The following SRP19 variants were observed in gnomAD, a reference collection of about 807,000 sequenced individuals.
The protein encoded by SRP19 is signal recognition particle 19.
Under a neutral mutation model 22.4 loss-of-function variants are expected in SRP19, and 11 were observed. That is an observed-to-expected ratio of 0.49 (90% CI 0.31 to 0.81). SRP19 has a LOEUF of 0.81. Among genes scored for constraint, SRP19 ranks in the 40% least tolerant of loss-of-function variants. SRP19 has a pLI of 0.05. For missense variants in SRP19, 168 were observed against 175.9 expected (o/e 0.96, Z 0.25); for synonymous variants, 61 against 57.6 (o/e 1.06, Z -0.27).
At chr5:112,893,116 AAG>A (rs1178100175), downstream of SRP19, 5 of 809,830 alleles carry the variant, frequency 6.2e-6, no homozygotes, top group Non-Finnish European at 9.1e-6. Flanking sequence ...AAAAAAAAAA[AAG>A]AATGGACCAG....
intron 4 of SRP19, chr5:112,878,954 A>T: frequency 6.7e-7 from 1 of 1,486,000 alleles, no homozygotes; most frequent in Admixed American, 1.8e-5. Context: ...ACTCATGTTC[A>T]GGTGCGATCA....
chr5:112,879,314 A>C (rs1212644600), intron 4 of SRP19, among the ~76,000 whole-genome samples: 1 of 40,308 alleles, frequency 2.5e-5, no homozygotes, highest in Non-Finnish European at 3.8e-5. Flanking sequence ...TCATCCCTTG[A>C]TATATGTGTT....
chr5:112,885,223 C>A, intron 4 of SRP19: 1 of 165,140 alleles, frequency 6.1e-6, no homozygotes, highest in South Asian at 1.3e-4. Context: ...GTGGGGAGCC[C>A]CAAGGAGAAG....
chr5:112,895,237 C>CAAAAAAAAAAAAAAAAAAAAAAAA (rs10684553), downstream of SRP19: 2 of 62,216 alleles, frequency 3.2e-5, no homozygotes, highest in African/African-American at 1.4e-4. Context: ...GACTCTGTCT[C>CAAAAAAAAAAAAAAAAAAAAAAAA]AAAAAAAAAA....
At position 112,867,475 on chromosome 5, in the gene SRP19, G is replaced by T; in HGVS notation, c.373G>T (p.Ala125Ser). The T allele has an allele frequency of 6.2e-7, 1 of 1,613,902 alleles. No homozygotes were observed. Among genetic ancestry groups the T allele is most frequent in the Non-Finnish European group, 8.5e-7 (1 of 1,179,964 alleles). ...AACAAGGACACAAAAAACAGGAGGT[G>T]CTGACCAAAGTCTTCAACAAGGAGA... is the stretch of plus-strand genomic sequence containing the variant. ...LKTRTQKTGG[A>S]DQSLQQGEGS... Residue 125 changes from alanine to serine, a missense_variant, in exon 5 of 5, where the codon GCT (alanine) becomes TCT (serine). By Grantham distance (99) the Ala-to-Ser change is moderately conservative. Transcript: ENST00000505459.
chr5:112,883,283 A>G (rs535670568), intron 4 of SRP19, among the ~76,000 whole-genome samples: 1 of 152,262 alleles, frequency 6.6e-6, no homozygotes, highest in East Asian at 1.9e-4. Flanking sequence ...CAGGAGTTTG[A>G]TATCACTCCA....
At chr5:112,885,917 G>A (rs1768228710) in intron 4 of SRP19, among the ~76,000 whole-genome samples, 1 of 152,116 alleles carries the variant, frequency 6.6e-6, no homozygotes, top group Non-Finnish European at 1.5e-5. Context: ...TCCAGACCTG[G>A]GTATCTCCAA....
intron 4 of SRP19, chr5:112,877,225 A>G (rs1052899752): frequency 6.6e-6 from 1 of 152,196 alleles, no homozygotes; most frequent in Non-Finnish European, 1.5e-5. Flanking sequence ...TAGTATTGAT[A>G]TCTTTAATAT....
rs771543724 is a variant in SRP19, at chr5:112,892,226, A to C, written c.*619A>C. The C allele has an allele frequency of 8.1e-6, 13 of 1,614,184 alleles. No homozygotes were observed. In the Admixed American group the frequency reaches 2.2e-4, roughly 27 times the overall value. On this transcript the variant is annotated 3_prime_UTR_variant, in exon 5 of 5. Transcript: ENST00000391338. ...TTTGGAGACAGATGTTCACGTAAACATAATTTCCCAACATCTAGTCCTACC... is the reference window on the plus strand; with the variant it reads ...TTTGGAGACAGATGTTCACGTAAACCTAATTTCCCAACATCTAGTCCTACC...
Position 112,869,278 on chromosome 5 carries a change from G to A in SRP19, c.*1741G>A, listed in dbSNP as rs1447164892. Reference sequence around the variant, plus strand: ...TGTAAAAGGGCTGATATTTACATGAGTGCAAGGCAGGAAGAAAAGGTAGCT... The same window carrying A: ...TGTAAAAGGGCTGATATTTACATGAATGCAAGGCAGGAAGAAAAGGTAGCT... On this transcript the variant is annotated 3_prime_UTR_variant, in exon 5 of 5. Transcript: ENST00000505459. The A allele has an allele frequency of 6.6e-6, 1 of 152,102 alleles. No individual in the cohort carries two copies. Among genetic ancestry groups the A allele is most frequent in the East Asian group, 1.9e-4 (1 of 5,186 alleles). The allele number at this position is 152,102 out of a possible 1,614,324, so 9.4% of individuals were successfully genotyped here. A position where few individuals can be genotyped will look rare whatever the true frequency, so the allele number is the denominator to read the frequency against.
chr5:112,865,258 A>G (rs1366533128), intron 4 of SRP19: 1 of 152,344 alleles, frequency 6.6e-6, no homozygotes, highest in Non-Finnish European at 1.5e-5. Flanking sequence ...ATGCTCTGTA[A>G]GGAAACACTC....
At position 112,864,722 on chromosome 5, in the gene SRP19, G is replaced by A. The variant is rs757816366; in HGVS notation, c.291G>A (p.Gln97=). ...KQEDGSLCLV[Q]FPSRKSVMLY... is the part of the protein sequence containing the mutation. ...AAGATGGGAGCCTCTGCCTTGTACA[G>A]TTCCCATCACGTAAGCTTGTTTAAA... The change falls in exon 4 of 5, where the codon CAG becomes CAA. Residue 97 remains glutamine (Q), a synonymous_variant. Transcript: ENST00000505459. 6.2e-6 allele frequency: 10 copies of A among 1,611,982 alleles called. No individual in the cohort carries two copies. Among genetic ancestry groups the A allele is most frequent in the Non-Finnish European group, 7.6e-6 (9 of 1,178,840 alleles).
At chr5:112,877,253 A>G (rs1293665438) in intron 4 of SRP19, 1 of 152,174 alleles carries the variant, frequency 6.6e-6, no homozygotes, top group Non-Finnish European at 1.5e-5. Flanking sequence ...ATCATGAGAC[A>G]TTGTTATGAT....
Position 112,867,604 on chromosome 5 carries a change from C to T in SRP19, c.*67C>T, listed in dbSNP as rs148878701. ...ATGAATGGAGACTTCTAATTTGTAT[C>T]GGAGGGAAACAGAAGCTTTTTGTTT... is the stretch of plus-strand genomic sequence containing the variant. On this transcript the variant is annotated 3_prime_UTR_variant, in exon 5 of 5. Coordinates refer to ENST00000505459, the MANE Select transcript of SRP19 (RefSeq NM_003135.3). 1.2e-4 allele frequency: 179 copies of T among 1,439,400 alleles called. 1 individual carries two copies. Among genetic ancestry groups the T allele is most frequent in the Non-Finnish European group, 1.6e-4 (172 of 1,091,386 alleles). The allele number at this position is 1,439,400 out of a possible 1,614,324, so 89.2% of individuals were successfully genotyped here.
intron 4 of SRP19, chr5:112,877,828 G>C (rs1354716786): frequency 1.3e-5 from 2 of 152,174 alleles, no homozygotes. Context: ...AGAAGATTGG[G>C]AAAGAAGACT....
chr5:112,861,319 C>A lies in SRP19; in HGVS notation c.-58C>A. On this transcript the variant is annotated 5_prime_UTR_variant, in exon 1 of 5. Transcript: ENST00000505459. ...CTCGGAAACTCAGAGCCGGGTTCCT[C>A]CCGGGTTTCTGCCGGGTTTCTCCCT... 6.2e-6 allele frequency: 10 copies of A among 1,607,350 alleles called. No individual in the cohort carries two copies. Among genetic ancestry groups the A allele is most frequent in the Middle Eastern group, 1.7e-4 (1 of 5,980 alleles).
intron 4 of SRP19, chr5:112,887,274 G>C: frequency 1.7e-6 from 2 of 1,202,902 alleles, no homozygotes; most frequent in Admixed American, 5.9e-5. Context: ...CTGGGGATGG[G>C]AGATGCCTCT....
At chr5:112,884,777 TG>T (rs200105650) in intron 4 of SRP19, among the ~76,000 whole-genome samples, 1,801 of 112,128 alleles carry the variant, frequency 0.016, 11 homozygotes, top group Middle Eastern at 0.044. Context: ...CTCCAGTCCT[TG>T]GCCCCCCCCC....
At chr5:112,896,651 T>C (rs1768688436), downstream of SRP19, 1 of 152,116 alleles carries the variant, frequency 6.6e-6, no homozygotes, top group Non-Finnish European at 1.5e-5. Flanking sequence ...TAAAAATAAA[T>C]CTAGCCAGGC....
Sources: gnomAD v4.1 joint callset for allele counts (sites outside exome capture counted in the v4.1 genomes callset) on GRCh38, gnomAD v4.1.1 for gene constraint, MANE v1.5 for transcripts, NCBI Gene and HGNC (gene_info 2026-07-23, HGNC 2026-07-21) for gene names.